KLHL5: variants seen among roughly 807,000 people sequenced by gnomAD.
KLHL5 encodes kelch like family member 5.
KLHL5 carries 48 observed loss-of-function variants against 77.7 expected under a neutral mutation model. That is an observed-to-expected ratio of 0.62 (90% confidence interval 0.49 to 0.79). The LOEUF is 0.79. Among genes scored for constraint, KLHL5 ranks in the 30% least tolerant of loss-of-function variants. The probability of loss-of-function intolerance (pLI) is 0.00; values close to 1 mark genes in which losing one functional copy is unlikely to be tolerated. For synonymous variants in KLHL5, 260 were observed against 297.0 expected (o/e 0.88, Z 1.28); for missense variants, 723 against 859.7 (o/e 0.84, Z 1.99).
At chr4:39,115,133 G>C in intron 9 of KLHL5, 26 bp from the exon 10 acceptor site, 2 of 1,587,102 alleles carry the variant, frequency 1.3e-6, no homozygotes, top group Non-Finnish European at 1.7e-6. Flanking sequence ...AATAATGTCA[G>C]CTCCGGTTCT....
intron 5 of KLHL5, among the ~76,000 whole-genome samples, chr4:39,092,879 A>G (rs752137662): frequency 6.6e-6 from 1 of 152,210 alleles, no homozygotes; most frequent in Admixed American, 6.5e-5. Flanking sequence ...ATGTGCAAAA[A>G]CAGGAACCCT....
chr4:39,136,084 GA>G, the KLHL5 span, among the ~76,000 whole-genome samples: 33 of 149,840 alleles, frequency 2.2e-4, no homozygotes, highest in Middle Eastern at 3.4e-3. Context: ...TCAAAGACAT[GA>G]AAAAAAATCT....
intron 5 of KLHL5, among the ~76,000 whole-genome samples, chr4:39,090,985 ATTTT>A (rs61479288): frequency 7.9e-6 from 1 of 127,322 alleles, no homozygotes. Flanking sequence ...TCAGTTTTTA[ATTTT>A]TTTTTTTTTT....
intron 1 of KLHL5, among the ~76,000 whole-genome samples, chr4:39,051,385 C>A (rs1021133866): frequency 2.3e-4 from 32 of 137,562 alleles, no homozygotes; most frequent in Non-Finnish European, 3.5e-4. Flanking sequence ...AAAAAAAAAA[C>A]AAGAATATGA....
the KLHL5 span, among the ~76,000 whole-genome samples, chr4:39,142,902 G>A: frequency 6.6e-6 from 1 of 152,164 alleles, no homozygotes; most frequent in Non-Finnish European, 1.5e-5. Flanking sequence ...ATTGTCAGAG[G>A]TTAGAGATAT....
chr4:39,137,693 A>T, the KLHL5 span, among the ~76,000 whole-genome samples: 3 of 152,210 alleles, frequency 2.0e-5, no homozygotes, highest in African/African-American at 7.2e-5. Flanking sequence ...CATGGAAAAT[A>T]CAAGGTGAAC....
the KLHL5 span, among the ~76,000 whole-genome samples, chr4:39,142,359 C>A: frequency 6.7e-6 from 1 of 150,174 alleles, no homozygotes; most frequent in African/African-American, 2.5e-5. Context: ...CGCGCCATTG[C>A]ACTCCAGCTG....
At chr4:39,084,414 G>T (rs1376489032) in intron 4 of KLHL5, among the ~76,000 whole-genome samples, 1 of 152,074 alleles carries the variant, frequency 6.6e-6, no homozygotes, top group Admixed American at 6.6e-5. Context: ...ATGTCATTTT[G>T]AATTTATGAC....
At chr4:39,116,190 G>A (rs543787928) in intron 10 of KLHL5, 17 of 218,896 alleles carry the variant, frequency 7.8e-5, no homozygotes, top group East Asian at 7.3e-4. Flanking sequence ...AAAATTAGCC[G>A]GGCATGGTGG....
intron 2 of KLHL5, 40 bp downstream of exon 2, chr4:39,076,187 C>G (rs1306460761): frequency 6.5e-7 from 1 of 1,549,524 alleles, no homozygotes; most frequent in Non-Finnish European, 8.7e-7. Context: ...GAAATATTTC[C>G]TCGGTAATTT....
chr4:39,140,375 T>A, the KLHL5 span, among the ~76,000 whole-genome samples: 1 of 152,242 alleles, frequency 6.6e-6, no homozygotes, highest in Non-Finnish European at 1.5e-5. Context: ...GTTTACTGCC[T>A]AACTTTTATG....
chr4:39,109,027 A>G (rs1220884220), intron 8 of KLHL5, among the ~76,000 whole-genome samples: 1 of 152,232 alleles, frequency 6.6e-6, no homozygotes, highest in African/African-American at 2.4e-5. Context: ...TTAATTGAAT[A>G]TAATTCAGAG....
At position 39,122,799 on chromosome 4, in the gene KLHL5, C is replaced by T. The variant is rs34615917; in HGVS notation, c.*1733C>T. Among the ~76,000 whole-genome samples, 21,221 of 150,686 alleles carry T rather than the reference C, an allele frequency of 0.14. 1,798 individuals carry two copies. Among genetic ancestry groups the T allele is most frequent in the East Asian group, 0.2 (1,049 of 5,132 alleles). On this transcript the variant is annotated 3_prime_UTR_variant, in exon 11 of 11. Transcript: ENST00000504108. ...CTGCACTCCAGCCTGGGTGACAGAG[C>T]GAGACTCCATCAAAAAAAAATAAAT...
intron 1 of KLHL5, among the ~76,000 whole-genome samples, chr4:39,049,969 A>G (rs2566112): frequency 0.76 from 115,018 of 151,668 alleles, 43,652 homozygotes; most frequent in East Asian, 0.82. Context: ...CAGCTACTCC[A>G]GAGGCTGAGG....
At chr4:39,086,176 A>T (rs1484944825) in intron 4 of KLHL5, among the ~76,000 whole-genome samples, 1 of 152,226 alleles carries the variant, frequency 6.6e-6, no homozygotes, top group Non-Finnish European at 1.5e-5. Context: ...AGTATCATAC[A>T]TCTCAGTGTC....
At chr4:39,139,474 T>C in the KLHL5 span, among the ~76,000 whole-genome samples, 1 of 152,072 alleles carries the variant, frequency 6.6e-6, no homozygotes, top group African/African-American at 2.4e-5. Flanking sequence ...TGGGTGCATG[T>C]CATTATGCGT....
At chr4:39,070,637 T>G (rs1718386833) in intron 1 of KLHL5, among the ~76,000 whole-genome samples, 1 of 152,296 alleles carries the variant, frequency 6.6e-6, no homozygotes, top group East Asian at 1.9e-4. Flanking sequence ...AAATGTCCAT[T>G]TGCCCTTCCC....
rs1338102972 is a variant in KLHL5, at chr4:39,125,180, T to C, written c.*4114T>C. Among the ~76,000 whole-genome samples the C allele has an allele frequency of 6.6e-6, 1 of 151,434 alleles. No homozygotes were observed. The highest frequency in any genetic ancestry group is 1.5e-5 in the Non-Finnish European group (1 of 67,850). ...AACCTACAGGAAAAAAAATGAATAA[T>C]AGAGAAAATAAATGTTAGAGAGGAT... On this transcript the variant is annotated 3_prime_UTR_variant, in exon 11 of 11. Coordinates refer to ENST00000504108, the MANE Select transcript of KLHL5 (RefSeq NM_015990.5).
chr4:39,107,404 C>T (rs1224954252), intron 7 of KLHL5, among the ~76,000 whole-genome samples, 165 bp from the exon 8 acceptor site: 1 of 150,390 alleles, frequency 6.6e-6, no homozygotes, highest in Admixed American at 6.7e-5. Flanking sequence ...CCCACCCACC[C>T]ACCGACCTAC....
Sources: allele counts gnomAD v4.1 joint callset (sites outside exome capture counted in the v4.1 genomes callset), GRCh38; gene constraint gnomAD v4.1.1; transcripts MANE v1.5; gene names NCBI Gene and HGNC (gene_info 2026-07-23, HGNC 2026-07-21).